Variants in HMCN1 observed in about 807,000 individuals in gnomAD.
HMCN1 encodes the protein hemicentin 1.
In HMCN1, 321 loss-of-function variants were observed where a neutral mutation model predicts 625.9. The observed-to-expected ratio is 0.51, with a 90% CI of 0.47 to 0.56. The LOEUF (loss-of-function observed/expected upper bound fraction) is 0.56, where lower values mean the gene tolerates loss of function less well. HMCN1 is among the 20% of genes least tolerant of loss of function. The pLI is 0.00. For missense variants in HMCN1, 6,588 were observed against 6,887.3 expected (o/e 0.96, Z 1.54); for synonymous variants, 2,425 against 2,417.6 (o/e 1.00, Z -0.09).
intron 7 of HMCN1, 114 bp downstream of exon 7, chr1:185,922,613 G>A: frequency 2.0e-6 from 2 of 979,386 alleles, no homozygotes; most frequent in Non-Finnish European, 3.1e-6. Flanking sequence ...GAGAAGCATA[G>A]CTTTAAATGT....
At position 185,865,870 on chromosome 1, in the gene HMCN1, T is replaced by G. The variant is rs1304457457; in HGVS notation, c.621+7T>G. ...CAAAAAACAAGTTAATGAGGTCAGTTTAATAAAGGGAGTCTACTTTATTAC... is the reference window on the plus strand; with the variant it reads ...CAAAAAACAAGTTAATGAGGTCAGTGTAATAAAGGGAGTCTACTTTATTAC... On this transcript the variant is annotated splice_region_variant and intron_variant, in intron 4 of 106. Coordinates refer to ENST00000271588, the MANE Select transcript of HMCN1 (RefSeq NM_031935.3). 6.2e-7 allele frequency: 1 copy of G among 1,613,156 alleles called. No individual in the cohort carries two copies. The highest frequency in any genetic ancestry group is 8.5e-7 in the Non-Finnish European group (1 of 1,179,674).
At chr1:186,133,372 C>T (rs1020257015) in intron 86 of HMCN1, among the ~76,000 whole-genome samples, 7 of 152,172 alleles carry the variant, frequency 4.6e-5, no homozygotes, top group African/African-American at 1.4e-4. Context: ...TGATGGCTGT[C>T]ATCTTTCATG....
chr1:186,119,410 T>C, intron 78 of HMCN1, 112 bp downstream of exon 78: 1 of 862,176 alleles, frequency 1.2e-6, no homozygotes, highest in Non-Finnish European at 2.0e-6. Flanking sequence ...CATAGTAATA[T>C]CTTGGGGATA....
At chr1:185,782,294 T>C (rs979691499) in intron 1 of HMCN1, among the ~76,000 whole-genome samples, 18 of 152,226 alleles carry the variant, frequency 1.2e-4, no homozygotes, top group Non-Finnish European at 2.4e-4. Context: ...TCTTGACTCT[T>C]TATCCAATTT....
intron 6 of HMCN1, 26 bp from the exon 7 acceptor site, chr1:185,922,353 C>G: frequency 1.2e-6 from 2 of 1,612,436 alleles, no homozygotes; most frequent in African/African-American, 1.3e-5. Flanking sequence ...CAACTGCTGA[C>G]CAGGTTTGTC....
At chr1:186,161,249 CTTTT>C (rs1239137738) in intron 97 of HMCN1, among the ~76,000 whole-genome samples, 2 of 151,316 alleles carry the variant, frequency 1.3e-5, no homozygotes, top group African/African-American at 4.9e-5. Flanking sequence ...CAACCCCTGC[CTTTT>C]TTTGTTTTCC....
intron 1 of HMCN1, among the ~76,000 whole-genome samples, chr1:185,826,662 C>G (rs1454085821): frequency 6.6e-6 from 1 of 152,174 alleles, no homozygotes. Flanking sequence ...GTTGAGCAAA[C>G]AGCCAGTCTT....
At chr1:185,999,252 G>A (rs60693297) in intron 25 of HMCN1, among the ~76,000 whole-genome samples, 6,816 of 151,742 alleles carry the variant, frequency 0.045, 518 homozygotes, top group African/African-American at 0.15. Context: ...TTATTATTAT[G>A]GAGATTAAAT....
intron 63 of HMCN1, 145 bp downstream of exon 63, chr1:186,088,900 AT>A: frequency 2.5e-6 from 2 of 809,786 alleles, no homozygotes; most frequent in African/African-American, 1.7e-5. Context: ...TCTGTCTTAT[AT>A]TTACCAGTAG....
chr1:185,851,893 A>G (rs1327328056), intron 2 of HMCN1, among the ~76,000 whole-genome samples: 3 of 152,032 alleles, frequency 2.0e-5, no homozygotes, highest in Non-Finnish European at 4.4e-5. Context: ...ACTTTTGTAT[A>G]AATTGTTGAT....
chr1:185,736,597 G>T (rs1198372444), intron 1 of HMCN1, among the ~76,000 whole-genome samples: 1 of 152,126 alleles, frequency 6.6e-6, no homozygotes, highest in Non-Finnish European at 1.5e-5. Flanking sequence ...AAATTATATT[G>T]CTGTAAACAG....
chr1:185,995,281 T>C (rs560056567), intron 24 of HMCN1, among the ~76,000 whole-genome samples, 194 bp downstream of exon 24: 2 of 152,234 alleles, frequency 1.3e-5, no homozygotes, highest in East Asian at 3.9e-4. Flanking sequence ...GCATCAATTT[T>C]TGTATGTTTA....
intron 25 of HMCN1, 83 bp downstream of exon 25, chr1:185,997,607 A>T (rs970907310): frequency 2.1e-5 from 20 of 948,274 alleles, no homozygotes; most frequent in Non-Finnish European, 3.1e-5. Context: ...TGTCATCCTT[A>T]TAAAATTCCA....
intron 1 of HMCN1, among the ~76,000 whole-genome samples, chr1:185,756,872 C>G (rs1655166256): frequency 6.6e-6 from 1 of 151,976 alleles, no homozygotes; most frequent in Non-Finnish European, 1.5e-5. Context: ...AACTTTCCAC[C>G]TGGTCTCTGC....
intron 1 of HMCN1, among the ~76,000 whole-genome samples, chr1:185,742,177 T>C (rs1654037456): frequency 6.6e-6 from 1 of 152,202 alleles, no homozygotes; most frequent in Non-Finnish European, 1.5e-5. Context: ...CGTCTGTTTC[T>C]CCATCTATAA....
rs114007464 is a variant in HMCN1 at position 186,185,597 on chromosome 1, G to T, written c.16415-2286G>T. Among the ~76,000 whole-genome samples the T allele has an allele frequency of 4.1e-3, 621 of 152,248 alleles. 5 individuals are homozygous for T. Among genetic ancestry groups the T allele is most frequent in the African/African-American group, 0.013 (528 of 41,552 alleles). On this transcript the variant is annotated intron_variant, in intron 105 of 106. Transcript: ENST00000271588. ...AACTAACTAAAAAGTTATTTACTCC[G>T]TATCATTCTAACCCAGTATCTTTTT... is the stretch of plus-strand genomic sequence containing the variant.
chr1:186,094,672 A>G (rs1007750886), intron 67 of HMCN1, among the ~76,000 whole-genome samples: 5 of 152,134 alleles, frequency 3.3e-5, no homozygotes, highest in African/African-American at 1.2e-4. Context: ...AAAAAGTCAA[A>G]ACTTTTCTAA....
chr1:185,871,007 G>A (rs1663579730), intron 4 of HMCN1, among the ~76,000 whole-genome samples: 3 of 151,940 alleles, frequency 2.0e-5, no homozygotes, highest in African/African-American at 4.8e-5. Flanking sequence ...CAAGGTGGGC[G>A]GATCATGAGG....
chr1:185,892,231 T>G (rs1553254898), intron 4 of HMCN1, among the ~76,000 whole-genome samples: 1 of 150,636 alleles, frequency 6.6e-6, no homozygotes, highest in Non-Finnish European at 1.5e-5. Context: ...TTTTAAAGTT[T>G]TCAACTTCTT....
Sources: allele counts gnomAD v4.1 joint callset (sites outside exome capture counted in the v4.1 genomes callset), GRCh38; gene constraint gnomAD v4.1.1; transcripts MANE v1.5; gene names NCBI Gene and HGNC (gene_info 2026-07-23, HGNC 2026-07-21).